Variants in IMMP2L observed in about 807,000 individuals in gnomAD.
IMMP2L encodes the protein inner mitochondrial membrane peptidase subunit 2.
IMMP2L carries 18 observed loss-of-function variants against 19.3 expected under a neutral mutation model. The ratio of observed to expected loss-of-function variants is 0.93; its 90% CI spans 0.64 to 1.38. The LOEUF is 1.38. IMMP2L is among the 40% of genes most tolerant of loss of function. The probability of loss-of-function intolerance (pLI) is 0.00; values close to 1 mark genes in which losing one functional copy is unlikely to be tolerated. For synonymous variants in IMMP2L, 76 were observed against 73.0 expected (o/e 1.04, Z -0.21); for missense variants, 233 against 218.2 (o/e 1.07, Z -0.43).
chr7:111,465,841 T>C (rs923955255), intron 3 of IMMP2L, among the ~76,000 whole-genome samples: 5 of 152,092 alleles, frequency 3.3e-5, no homozygotes, highest in African/African-American at 4.8e-5. Context: ...ACCCAAAGGA[T>C]TATAAATCAT....
At chr7:111,138,689 A>G (rs1008792844) in intron 3 of IMMP2L, among the ~76,000 whole-genome samples, 7 of 152,174 alleles carry the variant, frequency 4.6e-5, no homozygotes, top group Non-Finnish European at 7.4e-5. Flanking sequence ...AAGATTAGAG[A>G]TAAGGTCCTG....
At chr7:111,493,598 G>T (rs765956739) in intron 2 of IMMP2L, among the ~76,000 whole-genome samples, 1 of 151,970 alleles carries the variant, frequency 6.6e-6, no homozygotes, top group African/African-American at 2.4e-5. Context: ...CCAGCTACTC[G>T]GGAGGCTGAG....
intron 3 of IMMP2L, among the ~76,000 whole-genome samples, chr7:111,446,360 G>C (rs899405601): frequency 1.4e-5 from 2 of 142,324 alleles, no homozygotes; most frequent in African/African-American, 5.8e-5. Context: ...CTGGAGATCT[G>C]AGAACAGGCA....
intron 3 of IMMP2L, among the ~76,000 whole-genome samples, chr7:111,087,764 T>C (rs559457137): frequency 6.6e-6 from 1 of 152,124 alleles, no homozygotes; most frequent in Non-Finnish European, 1.5e-5. Context: ...AAGAGTGCTA[T>C]TGTGGGTCAA....
intron 5 of IMMP2L, among the ~76,000 whole-genome samples, chr7:110,679,354 T>C (rs1792535518): frequency 6.6e-6 from 1 of 152,152 alleles, no homozygotes; most frequent in Non-Finnish European, 1.5e-5. Context: ...GCTCACACTA[T>C]TCAACAATAA....
chr7:111,371,920 G>A (rs1830290909), intron 3 of IMMP2L, among the ~76,000 whole-genome samples: 1 of 152,148 alleles, frequency 6.6e-6, no homozygotes, highest in African/African-American at 2.4e-5. Flanking sequence ...TCAAAGTAGT[G>A]AGTCTTAAGT....
chr7:111,269,462 ATG>A (rs1818209769), intron 3 of IMMP2L, among the ~76,000 whole-genome samples: 1 of 152,188 alleles, frequency 6.6e-6, no homozygotes, highest in South Asian at 2.1e-4. Flanking sequence ...CAAAAATTAT[ATG>A]TGTTTGCTAT....
At chr7:111,067,638 G>T (rs12705755) in intron 3 of IMMP2L, among the ~76,000 whole-genome samples, 1 of 151,792 alleles carries the variant, frequency 6.6e-6, no homozygotes, top group Non-Finnish European at 1.5e-5. Context: ...TTTTACTGTT[G>T]GCAAGGTCAC....
chr7:111,322,046 AC>A (rs1296056272), intron 3 of IMMP2L, among the ~76,000 whole-genome samples: 25 of 151,380 alleles, frequency 1.7e-4, no homozygotes, highest in Admixed American at 1.6e-3. Flanking sequence ...CATTCACAGT[AC>A]TTAAAGTACT....
At chr7:111,169,026 G>A (rs532529392) in intron 3 of IMMP2L, among the ~76,000 whole-genome samples, 33 of 151,992 alleles carry the variant, frequency 2.2e-4, no homozygotes, top group South Asian at 1.0e-3. Flanking sequence ...GCCCTTACCC[G>A]ATTCCTACAC....
At chr7:110,740,742 T>A (rs1440623956) in intron 5 of IMMP2L, among the ~76,000 whole-genome samples, 1 of 151,676 alleles carries the variant, frequency 6.6e-6, no homozygotes, top group Non-Finnish European at 1.5e-5. Context: ...GCCATAATTT[T>A]AAAAATAAAA....
intron 3 of IMMP2L, among the ~76,000 whole-genome samples, chr7:111,257,322 T>C (rs1816819723): frequency 6.6e-6 from 1 of 152,158 alleles, no homozygotes; most frequent in African/African-American, 2.4e-5. Flanking sequence ...AAGCCTATCA[T>C]TCTGTAGGAC....
At chr7:111,342,590 CA>C (rs200922479) in intron 3 of IMMP2L, among the ~76,000 whole-genome samples, 2 of 148,194 alleles carry the variant, frequency 1.3e-5, no homozygotes, top group Non-Finnish European at 1.5e-5. Flanking sequence ...GACTCCATCT[CA>C]AAAAAAAAGA....
chr7:110,683,110 GT>G (rs532432716), intron 5 of IMMP2L, among the ~76,000 whole-genome samples: 4 of 152,014 alleles, frequency 2.6e-5, no homozygotes, highest in East Asian at 1.9e-4. Flanking sequence ...AGCTATTTGG[GT>G]TTTTTTATTG....
At chr7:110,864,112 T>C (rs1178408905) in intron 5 of IMMP2L, among the ~76,000 whole-genome samples, 2 of 152,072 alleles carry the variant, frequency 1.3e-5, no homozygotes, top group South Asian at 2.1e-4. Flanking sequence ...TAGTGCAAAA[T>C]CAAAAATTTG....
chr7:110,893,930 C>T (rs1811069744), intron 4 of IMMP2L, among the ~76,000 whole-genome samples: 1 of 152,114 alleles, frequency 6.6e-6, no homozygotes, highest in African/African-American at 2.4e-5. Context: ...CCTTTACCTT[C>T]TCTCCACCAG....
At chr7:111,475,525 T>C (rs145786564) in intron 3 of IMMP2L, among the ~76,000 whole-genome samples, 325 of 152,232 alleles carry the variant, frequency 2.1e-3, no homozygotes, top group African/African-American at 6.6e-3. Flanking sequence ...ACCTAAAATA[T>C]GAAGCAGAAT....
rs1808424627 is a variant in IMMP2L at position 110,870,534 on chromosome 7, A to T, written c.408+16059T>A. On this transcript the variant is annotated intron_variant, in intron 5 of 5. Transcript: ENST00000405709. The surrounding 1 kb of genome is among the most constrained non-coding windows in gnomAD (Gnocchi z 4.2). ...ATAAAACAAGATAGTCATAGTAGCT[A>T]GAAGCAGGTGTGTGTGAGTGTGTGT... Among the ~76,000 whole-genome samples the T allele has an allele frequency of 6.6e-6, 1 of 152,094 alleles. No individual in the cohort carries two copies. The highest frequency in any genetic ancestry group is 2.1e-4 in the South Asian group (1 of 4,824).
chr7:111,166,897 A>G (rs80269365), intron 3 of IMMP2L, among the ~76,000 whole-genome samples: 13,159 of 151,906 alleles, frequency 0.087, 747 homozygotes, highest in African/African-American at 0.15. Flanking sequence ...TTTAGAGCCC[A>G]CCTGGATAAT....
Sources: allele counts gnomAD v4.1 joint callset (sites outside exome capture counted in the v4.1 genomes callset), GRCh38; gene constraint gnomAD v4.1.1; non-coding constraint Gnocchi (gnomAD v3.1); transcripts MANE v1.5; gene names NCBI Gene and HGNC (gene_info 2026-07-23, HGNC 2026-07-21).